Variants in CCDC138 observed in about 807,000 individuals in gnomAD.
CCDC138 encodes coiled-coil domain containing 138.
Under a neutral mutation model 82.3 loss-of-function variants are expected in CCDC138, and 66 were observed. The observed-to-expected ratio is 0.80, with a 90% CI of 0.66 to 0.98. CCDC138 has a LOEUF of 0.98. Among genes scored for constraint, CCDC138 ranks in the 50% least tolerant of loss-of-function variants. CCDC138 has a pLI of 0.00. For synonymous variants in CCDC138, 297 were observed against 265.4 expected (o/e 1.12, Z -1.16); for missense variants, 816 against 758.9 (o/e 1.08, Z -0.88).
intron 14 of CCDC138, 127 bp downstream of exon 14, chr2:108,873,716 C>A: frequency 3.4e-6 from 2 of 590,992 alleles, no homozygotes; most frequent in Non-Finnish European, 5.8e-6. Context: ...TTGTGCCACA[C>A]ATAAAATACG....
intron 10 of CCDC138, among the ~76,000 whole-genome samples, chr2:108,837,972 A>G (rs1165098339): frequency 6.6e-6 from 1 of 151,968 alleles, no homozygotes; most frequent in Non-Finnish European, 1.5e-5. Flanking sequence ...GTAGGAAGAC[A>G]GGAGTCAAGG....
intron 14 of CCDC138, among the ~76,000 whole-genome samples, chr2:108,874,207 A>G (rs781024885): frequency 6.6e-6 from 1 of 152,164 alleles, no homozygotes; most frequent in African/African-American, 2.4e-5. Flanking sequence ...GATGTACTAA[A>G]GTGAATTTAG....
At chr2:108,830,512 G>T (rs1159229326) in intron 10 of CCDC138, among the ~76,000 whole-genome samples, 1 of 152,144 alleles carries the variant, frequency 6.6e-6, no homozygotes, top group Admixed American at 6.5e-5. Flanking sequence ...GCAGAAGTTA[G>T]GCAATTTGAC....
chr2:108,798,620 A>G (rs1558977121), intron 6 of CCDC138, 34 bp downstream of exon 6: 1 of 1,497,462 alleles, frequency 6.7e-7, no homozygotes, highest in Non-Finnish European at 9.1e-7. Flanking sequence ...AGAGTGGTAT[A>G]TTTCTTCTTT....
intron 10 of CCDC138, among the ~76,000 whole-genome samples, chr2:108,832,765 T>C (rs1687918165): frequency 1.3e-5 from 2 of 152,178 alleles, no homozygotes; most frequent in East Asian, 3.8e-4. Flanking sequence ...GACAGACACC[T>C]AGTAGTTGAA....
At position 108,827,826 on chromosome 2, in the gene CCDC138, A is replaced by G. The variant is rs533464511; in HGVS notation, c.1207-11359A>G. On this transcript the variant is annotated intron_variant, in intron 10 of 14. Coordinates refer to ENST00000295124, the MANE Select transcript of CCDC138 (RefSeq NM_144978.3). ...GAGAGAATATGTCTAAAAAAAAAAAAAAAAAATTAAAAAAATTTAAAGATT... is the reference window on the plus strand; with the variant it reads ...GAGAGAATATGTCTAAAAAAAAAAAGAAAAAATTAAAAAAATTTAAAGATT... Among the ~76,000 whole-genome samples the G allele has an allele frequency of 4.8e-4, 73 of 152,000 alleles. 1 individual carries two copies. The highest frequency in any genetic ancestry group is 1.8e-4 in the Non-Finnish European group (12 of 67,956).
At chr2:108,789,880 A>G (rs1160419565) in intron 3 of CCDC138, among the ~76,000 whole-genome samples, 1 of 152,230 alleles carries the variant, frequency 6.6e-6, no homozygotes, top group African/African-American at 2.4e-5. Flanking sequence ...ATTTAATGCT[A>G]AAAATATGTG....
Position 108,791,791 on chromosome 2 carries a change from A to C in CCDC138, c.383A>C (p.Glu128Ala). The C allele has an allele frequency of 6.3e-7, 1 of 1,584,554 alleles. No individual in the cohort carries two copies. The highest frequency in any genetic ancestry group is 1.4e-5 in the African/African-American group (1 of 73,684). Residue 128 changes from glutamate to alanine, a missense_variant, in exon 4 of 15, where the codon GAA (glutamate) becomes GCA (alanine). Glu to Ala is a moderately radical substitution (Grantham distance 107, BLOSUM62 -1). Transcript: ENST00000295124. ...AAAATAACCAAGCAGTCTTTTAAAG[A>C]AATAGAAAAAGGTAAAATAAATATT... ...TSKITKQSFK[E>A]IEKVALPTNT...
chr2:108,800,672 A>G (rs1681786820), intron 6 of CCDC138, among the ~76,000 whole-genome samples: 1 of 96,644 alleles, frequency 1.0e-5, no homozygotes, highest in Non-Finnish European at 1.8e-5. Context: ...ACATGTGCAC[A>G]TTGTGCAGGT....
intron 10 of CCDC138, among the ~76,000 whole-genome samples, chr2:108,818,423 A>G (rs1436002643): frequency 6.6e-6 from 1 of 152,240 alleles, no homozygotes; most frequent in Non-Finnish European, 1.5e-5. Flanking sequence ...ATCTGTAAAT[A>G]AAAAGTTGTC....
intron 13 of CCDC138, 112 bp from the exon 14 acceptor site, chr2:108,873,339 G>A: frequency 9.8e-7 from 1 of 1,017,650 alleles, no homozygotes. Context: ...TGAAAAGAAT[G>A]AAAATCTAAA....
At chr2:108,821,667 G>A (rs1444343253) in intron 10 of CCDC138, among the ~76,000 whole-genome samples, 7 of 151,936 alleles carry the variant, frequency 4.6e-5, no homozygotes, top group East Asian at 1.9e-4. Context: ...CTTCCTGGCC[G>A]AGTGTGGTGC....
chr2:108,873,221 T>C (rs979901082), intron 13 of CCDC138, among the ~76,000 whole-genome samples: 5 of 152,234 alleles, frequency 3.3e-5, no homozygotes, highest in African/African-American at 1.2e-4. Flanking sequence ...TTTTGCCTAA[T>C]AGGAATTTAA....
intron 7 of CCDC138, among the ~76,000 whole-genome samples, chr2:108,810,356 ATGT>A (rs1027005017): frequency 1.4e-4 from 21 of 152,186 alleles, no homozygotes; most frequent in South Asian, 6.2e-4. Flanking sequence ...CTGTGAAGAG[ATGT>A]TGTTGAATTT....
At chr2:108,812,545 C>T (rs1487468281) in intron 7 of CCDC138, 86 bp from the exon 8 acceptor site, 1 of 941,964 alleles carries the variant, frequency 1.1e-6, no homozygotes, top group East Asian at 2.4e-5. Context: ...GTAATATCAA[C>T]CAGATTAGAT....
intron 10 of CCDC138, among the ~76,000 whole-genome samples, chr2:108,819,443 T>A (rs1425877816): frequency 6.6e-6 from 1 of 152,134 alleles, no homozygotes; most frequent in Non-Finnish European, 1.5e-5. Context: ...CTGAAGGGAA[T>A]GGTAGCATAG....
rs374550260 is a variant in CCDC138 at position 108,876,301 on chromosome 2, T to C, written c.*48T>C. ...TATATGTGGTGCTTATTTATAAACA[T>C]GTAGAAATTACCAAAGTAACTACAA... On this transcript the variant is annotated 3_prime_UTR_variant, in exon 15 of 15. Coordinates refer to ENST00000295124, the MANE Select transcript of CCDC138 (RefSeq NM_144978.3). 3.7e-5 allele frequency: 39 copies of C among 1,064,436 alleles called. No individual in the cohort carries two copies. In the African/African-American group the frequency reaches 4.6e-4, roughly 13 times the overall value. The allele number at this position is 1,064,436 out of a possible 1,614,324, so 65.9% of individuals were successfully genotyped here. A position where few individuals can be genotyped will look rare whatever the true frequency, so the allele number is the denominator to read the frequency against.
In CCDC138 at chr2:108,876,134, C is replaced by T. The variant is rs1232083713; in HGVS notation, c.1879C>T (p.Gln627Ter). ...ACTTTTTACGATTCATCTGATGCTTCAAGAAATACAAAGGACAACAAACCC... is the reference window on the plus strand; with the variant it reads ...ACTTTTTACGATTCATCTGATGCTTTAAGAAATACAAAGGACAACAAACCC... ...FELFTIHLMLQEIQRTTNPEH... is the reference protein window; with the variant it reads ...FELFTIHLML Residue 627 changes from glutamine (Q) to a stop codon, truncating the protein, a stop_gained, in exon 15 of 15, where the codon CAA becomes TAA. Coordinates refer to ENST00000295124, the MANE Select transcript of CCDC138 (RefSeq NM_144978.3). LOFTEE classifies it high-confidence loss of function. 1 of 1,607,926 alleles carries T rather than the reference C, an allele frequency of 6.2e-7. No homozygotes were observed. The highest frequency in any genetic ancestry group is 1.1e-5 in the South Asian group (1 of 90,952).
At chr2:108,827,289 C>T (rs951008961) in intron 10 of CCDC138, among the ~76,000 whole-genome samples, 2 of 152,114 alleles carry the variant, frequency 1.3e-5, no homozygotes, top group Middle Eastern at 3.2e-3. Context: ...AGCAAAAAAT[C>T]TTCCAAATAC....
Sources: gnomAD v4.1 joint callset for allele counts (sites outside exome capture counted in the v4.1 genomes callset) on GRCh38, gnomAD v4.1.1 for gene constraint, MANE v1.5 for transcripts, NCBI Gene and HGNC (gene_info 2026-07-23, HGNC 2026-07-21) for gene names.